Variants in GLCCI1 observed in about 807,000 individuals in gnomAD.
GLCCI1 encodes the protein glucocorticoid-induced transcript 1 protein.
A neutral mutation model predicts 52.2 loss-of-function variants in GLCCI1; 24 were observed. That is an observed-to-expected ratio of 0.46 (90% CI 0.33 to 0.65). The LOEUF (loss-of-function observed/expected upper bound fraction) is 0.65, where lower values mean the gene tolerates loss of function less well. Among genes scored for constraint, GLCCI1 ranks in the 30% least tolerant of loss-of-function variants. The pLI is 0.02. For synonymous variants in GLCCI1, 310 were observed against 276.5 expected (o/e 1.12, Z -1.20); for missense variants, 704 against 701.5 (o/e 1.00, Z -0.04).
At chr7:8,044,160 T>C (rs1382465117) in intron 3 of GLCCI1, among the ~76,000 whole-genome samples, 1 of 151,970 alleles carries the variant, frequency 6.6e-6, no homozygotes, top group Admixed American at 6.5e-5. Context: ...TTAGCCAGGA[T>C]AGTCTTGATT....
chr7:8,025,707 AAAG>A (rs1434424403), intron 3 of GLCCI1, among the ~76,000 whole-genome samples: 4 of 152,234 alleles, frequency 2.6e-5, no homozygotes, highest in Non-Finnish European at 5.9e-5. Context: ...AGAGCCATAA[AAAG>A]AAGAAAATGG....
At chr7:8,065,824 A>G (rs1353501371) in intron 5 of GLCCI1, among the ~76,000 whole-genome samples, 2 of 152,136 alleles carry the variant, frequency 1.3e-5, no homozygotes, top group Non-Finnish European at 2.9e-5. Context: ...GGATTTTTGC[A>G]TCTATTTTTA....
rs1413351143 is a variant in GLCCI1 at position 7,969,744 on chromosome 7, C to G, written c.394C>G (p.Pro132Ala). 3 of 1,469,846 alleles carry G rather than the reference C, an allele frequency of 2.0e-6. No individual in the cohort carries two copies. The highest frequency in any genetic ancestry group is 2.7e-6 in the Non-Finnish European group (3 of 1,113,840). The allele number at this position is 1,469,846 out of a possible 1,614,324, so 91.1% of individuals were successfully genotyped here. Reference protein sequence around the residue: ...PRAKGRPRRSPESHRRSSSPE... With the variant: ...PRAKGRPRRSAESHRRSSSPE... ...GGCCAAGGGCCGCCCGAGACGGTCC[C>G]CAGAGAGCCACCGGAGGAGCAGCTC... The change falls in exon 1 of 8, where the codon CCA (proline) becomes GCA (alanine). Residue 132 changes from proline to alanine, a missense_variant. Pro to Ala is a conservative substitution (Grantham distance 27). Around this residue, in one of 3 missense-constraint regions of GLCCI1, gnomAD observed 547 missense variants for 524.8 expected, o/e 1.04. Transcript: ENST00000223145. The surrounding 1 kb of genome is among the most constrained non-coding windows in gnomAD (Gnocchi z 4.9).
At position 8,084,643 on chromosome 7, in the gene GLCCI1, G is replaced by T. The variant is rs534762258; in HGVS notation, c.1178-254G>T. 8 of 385,722 alleles carry T rather than the reference G, an allele frequency of 2.1e-5. No individual in the cohort carries two copies. In the South Asian group the frequency reaches 3.0e-4, roughly 15 times the overall value. 23.9% of individuals were successfully genotyped at this position (385,722 alleles called of 1,614,324 possible). A position where few individuals can be genotyped will look rare whatever the true frequency, so the allele number is the denominator to read the frequency against. The stretch of plus-strand genomic sequence containing the variant: ...TATTTGTTTTCAGGATTACAGCTCT[G>T]TTGTATTCAAAATGCAGTTTTCTGG... On this transcript the variant is annotated intron_variant, in intron 6 of 7. Transcript: ENST00000223145.
At chr7:8,008,656 C>A (rs1308877284) in intron 2 of GLCCI1, among the ~76,000 whole-genome samples, 1 of 152,026 alleles carries the variant, frequency 6.6e-6, no homozygotes, top group East Asian at 1.9e-4. Context: ...CGGAACTTAC[C>A]CAAGTGTACA....
At chr7:8,032,700 C>T (rs1781781857) in intron 3 of GLCCI1, among the ~76,000 whole-genome samples, 1 of 151,912 alleles carries the variant, frequency 6.6e-6, no homozygotes, top group Admixed American at 6.6e-5. Context: ...AGTGCCAAAG[C>T]TGACTTAGGA....
chr7:8,059,241 C>T (rs143237501), intron 4 of GLCCI1, among the ~76,000 whole-genome samples: 30 of 152,174 alleles, frequency 2.0e-4, no homozygotes, highest in African/African-American at 5.3e-4. Flanking sequence ...AAAGTTCATG[C>T]ATCAATAAGA....
intron 5 of GLCCI1, among the ~76,000 whole-genome samples, chr7:8,063,656 T>C (rs10215645): frequency 0.41 from 57,350 of 140,294 alleles, 12,276 homozygotes; most frequent in Middle Eastern, 0.52. Flanking sequence ...TCTTGCTCCA[T>C]TGCCCAGGCT....
chr7:7,977,150 GA>G (rs1780508167), intron 1 of GLCCI1, among the ~76,000 whole-genome samples: 1 of 152,086 alleles, frequency 6.6e-6, no homozygotes, highest in South Asian at 2.1e-4. Context: ...GCTTTCTGAT[GA>G]AACATTTTCT....
At chr7:8,014,358 A>G (rs1298154355) in intron 2 of GLCCI1, among the ~76,000 whole-genome samples, 3 of 152,186 alleles carry the variant, frequency 2.0e-5, no homozygotes, top group Non-Finnish European at 4.4e-5. Flanking sequence ...GACAAGGTAT[A>G]CTGACATTTG....
At position 8,086,210 on chromosome 7, in the gene GLCCI1, C is replaced by T. The variant is rs763614660; in HGVS notation, c.1316C>T (p.Ser439Leu). 9.9e-6 allele frequency: 16 copies of T among 1,613,244 alleles called. No homozygotes were observed. The highest frequency in any genetic ancestry group is 4.4e-5 in the South Asian group (4 of 90,918). ...GGTTTTAGGTCTCGTCAGCCTATCTCGGCCCCTCTCTTTTCATGTCCTGAC... is the reference window on the plus strand; with the variant it reads ...GGTTTTAGGTCTCGTCAGCCTATCTTGGCCCCTCTCTTTTCATGTCCTGAC... ...FEEMASRQPI[S>L]APLFSCPDKN... Residue 439 changes from serine to leucine, a missense_variant, in exon 8 of 8, where the codon TCG becomes TTG. Coordinates refer to ENST00000223145, the MANE Select transcript of GLCCI1 (RefSeq NM_138426.4). The surrounding 1 kb of genome is among the most constrained non-coding windows in gnomAD (Gnocchi z 4.4).
chr7:8,065,897 G>C (rs1011795156), intron 5 of GLCCI1, among the ~76,000 whole-genome samples: 2 of 152,130 alleles, frequency 1.3e-5, no homozygotes, highest in Admixed American at 6.5e-5. Flanking sequence ...TTTAGTATCA[G>C]GATGATGTTA....
At chr7:8,069,883 TATAA>T (rs924904391) in intron 5 of GLCCI1, among the ~76,000 whole-genome samples, 3 of 152,222 alleles carry the variant, frequency 2.0e-5, no homozygotes, top group Non-Finnish European at 2.9e-5. Flanking sequence ...GAAAATAAAT[TATAA>T]ATAAATTAAC....
intron 6 of GLCCI1, among the ~76,000 whole-genome samples, chr7:8,074,239 ATAAATACACTAT>A (rs35457677): frequency 0.64 from 92,370 of 144,850 alleles, 28,206 homozygotes; most frequent in Middle Eastern, 0.67. Flanking sequence ...ATACACTATT[ATAAATACACTAT>A]TATACAGTGA....
At chr7:8,004,481 A>C (rs1398709710) in intron 2 of GLCCI1, among the ~76,000 whole-genome samples, 1 of 152,218 alleles carries the variant, frequency 6.6e-6, no homozygotes, top group African/African-American at 2.4e-5. Flanking sequence ...AACCAAGACT[A>C]AAAGCCTTCA....
intron 5 of GLCCI1, among the ~76,000 whole-genome samples, chr7:8,065,828 A>G (rs1046815810): frequency 4.6e-5 from 7 of 152,098 alleles, no homozygotes; most frequent in African/African-American, 1.2e-4. Context: ...TTTTGCATCT[A>G]TTTTTATCAA....
At chr7:7,973,754 C>G (rs1780403791) in intron 1 of GLCCI1, among the ~76,000 whole-genome samples, 1 of 151,990 alleles carries the variant, frequency 6.6e-6, no homozygotes, top group Admixed American at 6.5e-5. Context: ...AGTTATGATT[C>G]TATTCTAAAA....
rs138384918 is a variant in GLCCI1, at chr7:8,007,343, G to A, written c.609+3284G>A. Among the ~76,000 whole-genome samples the A allele has an allele frequency of 1.4e-3, 218 of 152,178 alleles. 1 individual carries two copies. Among genetic ancestry groups the A allele is most frequent in the African/African-American group, 4.6e-3 (191 of 41,524 alleles). On this transcript the variant is annotated intron_variant, in intron 2 of 7. Coordinates refer to ENST00000223145, the MANE Select transcript of GLCCI1 (RefSeq NM_138426.4). ...TCGTTATGTAATATGTACTACGTAC[G>A]TAGTACATCGTTATGTAATATGTAC...
At chr7:8,005,941 G>T (rs1371771028) in intron 2 of GLCCI1, among the ~76,000 whole-genome samples, 1 of 152,056 alleles carries the variant, frequency 6.6e-6, no homozygotes, top group Non-Finnish European at 1.5e-5. Context: ...TGGGATTACA[G>T]GTGCCTGCCA....
Sources: allele counts gnomAD v4.1 joint callset (sites outside exome capture counted in the v4.1 genomes callset), GRCh38; gene constraint gnomAD v4.1.1; regional missense constraint gnomAD v4.1.1; non-coding constraint Gnocchi (gnomAD v3.1); transcripts MANE v1.5; gene names NCBI Gene and HGNC (gene_info 2026-07-23, HGNC 2026-07-21).